PPM1D: variants seen among roughly 807,000 people sequenced by gnomAD.
PPM1D encodes the protein protein phosphatase 1D.
In PPM1D, 52 loss-of-function variants were observed where a neutral mutation model predicts 58.3. That is an observed-to-expected ratio of 0.89 (90% CI 0.71 to 1.12). PPM1D has a LOEUF of 1.12. Ranked by LOEUF, PPM1D falls within the 50% of genes most tolerant of loss-of-function variation. The pLI is 0.00. For missense variants in PPM1D, 564 were observed against 777.2 expected, an observed-to-expected ratio of 0.73 and a Z score of 3.26; for synonymous variants, 278 against 285.1, an observed-to-expected ratio of 0.98 and a Z score of 0.25.
chr17:60,650,425 C>T (rs1199876057), intron 4 of PPM1D, among the ~76,000 whole-genome samples: 1 of 152,120 alleles, frequency 6.6e-6, no homozygotes, highest in Non-Finnish European at 1.5e-5. Context: ...GTGACTCGCA[C>T]CTGTAATCCC....
intron 1 of PPM1D, among the ~76,000 whole-genome samples, chr17:60,605,135 G>C (rs1356020838): frequency 6.6e-6 from 1 of 152,152 alleles, no homozygotes; most frequent in African/African-American, 2.4e-5. Flanking sequence ...AAACTAGCTT[G>C]CTTTTTTTGG....
chr17:60,603,071 C>A (rs1357811496), intron 1 of PPM1D, among the ~76,000 whole-genome samples: 1 of 152,072 alleles, frequency 6.6e-6, no homozygotes, highest in Non-Finnish European at 1.5e-5. Context: ...CTCACCCTGC[C>A]CCCCCAACAA....
intron 2 of PPM1D, 100 bp from the exon 3 acceptor site, chr17:60,633,753 A>G: frequency 1.7e-6 from 2 of 1,203,190 alleles, no homozygotes; most frequent in Non-Finnish European, 2.3e-6. Flanking sequence ...ATTATTTTGT[A>G]ATAATGTAGT....
intron 2 of PPM1D, 71 bp downstream of exon 2, chr17:60,623,820 G>C: frequency 7.0e-7 from 1 of 1,437,800 alleles, no homozygotes; most frequent in Non-Finnish European, 9.6e-7. Context: ...TAATGAAATT[G>C]ACCTACTACT....
intron 5 of PPM1D, among the ~76,000 whole-genome samples, chr17:60,661,979 T>C (rs2031534304): frequency 6.6e-6 from 1 of 152,062 alleles, no homozygotes; most frequent in South Asian, 2.1e-4. Context: ...AAATTCAGAT[T>C]TTTATTTTTA....
intron 3 of PPM1D, among the ~76,000 whole-genome samples, chr17:60,634,440 T>A (rs540481969): frequency 6.6e-6 from 1 of 152,270 alleles, no homozygotes; most frequent in Admixed American, 6.5e-5. Context: ...GGTATATAAT[T>A]CACTGACAGT....
chr17:60,645,520 AT>A (rs1248304920), intron 3 of PPM1D, among the ~76,000 whole-genome samples: 1 of 133,148 alleles, frequency 7.5e-6, no homozygotes, highest in Non-Finnish European at 1.5e-5. Flanking sequence ...GTGTATATAT[AT>A]GTATATATAT....
At chr17:60,659,428 A>G (rs1376454452) in intron 5 of PPM1D, among the ~76,000 whole-genome samples, 3 of 152,214 alleles carry the variant, frequency 2.0e-5, no homozygotes, top group African/African-American at 4.8e-5. Flanking sequence ...GAGATAGTGG[A>G]AAAGCCTTTG....
chr17:60,604,366 A>G (rs745924116), intron 1 of PPM1D, among the ~76,000 whole-genome samples: 7 of 152,198 alleles, frequency 4.6e-5, no homozygotes, highest in Non-Finnish European at 1.0e-4. Context: ...CACTTTGTTC[A>G]TGTTGAAGAT....
At chr17:60,646,967 G>C (rs999092754) in intron 3 of PPM1D, among the ~76,000 whole-genome samples, 2 of 152,166 alleles carry the variant, frequency 1.3e-5, no homozygotes, top group Non-Finnish European at 2.9e-5. Context: ...AAGTTTTGAT[G>C]TAGGTACTTT....
chr17:60,661,218 TCAAAAAAAAAAAAAAAAAAAAAGG>T (rs2031520128), intron 5 of PPM1D, among the ~76,000 whole-genome samples: 2 of 68,738 alleles, frequency 2.9e-5, no homozygotes, highest in African/African-American at 1.1e-4. Flanking sequence ...AAACTCCATC[TCAAAAAAAAAAAAAAAAAAAAAGG>T]AAAGGTGTTT....
intron 1 of PPM1D, among the ~76,000 whole-genome samples, chr17:60,604,185 G>T (rs949304620): frequency 6.6e-6 from 1 of 152,186 alleles, no homozygotes; most frequent in African/African-American, 2.4e-5. Context: ...CAATATCAAA[G>T]AAAATCATGT....
chr17:60,661,782 T>C (rs1041186476), intron 5 of PPM1D, among the ~76,000 whole-genome samples: 3 of 152,166 alleles, frequency 2.0e-5, no homozygotes, highest in Non-Finnish European at 2.9e-5. Context: ...ATGACCATTA[T>C]GACATAGTTG....
intron 3 of PPM1D, among the ~76,000 whole-genome samples, chr17:60,642,294 A>G (rs1056055712): frequency 2.0e-5 from 3 of 152,134 alleles, no homozygotes; most frequent in African/African-American, 7.2e-5. Context: ...AAAATATTGA[A>G]TAAAAAAGAA....
intron 2 of PPM1D, 34 bp downstream of exon 2, chr17:60,623,783 G>A: frequency 6.3e-7 from 1 of 1,591,666 alleles, no homozygotes; most frequent in East Asian, 2.2e-5. Context: ...TCCTCTTTTG[G>A]TTCTATTTAG....
intron 1 of PPM1D, among the ~76,000 whole-genome samples, chr17:60,608,353 C>T (rs553387457): frequency 6.2e-4 from 94 of 152,308 alleles, no homozygotes; most frequent in Non-Finnish European, 9.6e-4. Flanking sequence ...CCATCCATAA[C>T]TCAGCTTAAA....
chr17:60,628,086 G>A (rs949462762), intron 2 of PPM1D, among the ~76,000 whole-genome samples: 12 of 151,962 alleles, frequency 7.9e-5, no homozygotes, highest in African/African-American at 2.2e-4. Context: ...GACCTCAGGC[G>A]ATCCACCTGC....
intron 5 of PPM1D, among the ~76,000 whole-genome samples, chr17:60,659,670 A>T (rs1156949980): frequency 3.3e-5 from 5 of 152,230 alleles, no homozygotes; most frequent in Admixed American, 3.3e-4. Context: ...TGATCTCTGA[A>T]GCAGTGAACT....
chr17:60,637,313 T>G (rs1218754606), intron 3 of PPM1D, among the ~76,000 whole-genome samples: 2 of 151,716 alleles, frequency 1.3e-5, no homozygotes, highest in African/African-American at 2.4e-5. Flanking sequence ...ACCATGTTGG[T>G]CAGGCTGGTC....
Sources: allele counts gnomAD v4.1 joint callset (sites outside exome capture counted in the v4.1 genomes callset), GRCh38; gene constraint gnomAD v4.1.1; transcripts MANE v1.5; gene names NCBI Gene and HGNC (gene_info 2026-07-23, HGNC 2026-07-21).